ATXN1: variants seen among roughly 807,000 people sequenced by gnomAD.
ATXN1 encodes the protein ataxin 1.
ATXN1 carries 8 observed loss-of-function variants against 56.4 expected under a neutral mutation model. That is an observed-to-expected ratio of 0.14 (90% CI 0.08 to 0.26). ATXN1 has a LOEUF of 0.26. ATXN1 is among the 10% of genes least tolerant of loss of function. ATXN1 has a pLI of 1.00. For synonymous variants in ATXN1, 514 were observed against 494.6 expected (o/e 1.04, Z -0.52); for missense variants, 987 against 1,106.5 (o/e 0.89, Z 1.53).
intron 3 of ATXN1, among the ~76,000 whole-genome samples, chr6:16,594,391 A>C (rs1762777819): frequency 6.6e-6 from 1 of 152,000 alleles, no homozygotes; most frequent in South Asian, 2.1e-4. Flanking sequence ...ACCATTTTTT[A>C]AAACTGATAA....
At chr6:16,307,676 A>AC (rs1760283966) in intron 7 of ATXN1, among the ~76,000 whole-genome samples, 1 of 81,182 alleles carries the variant, frequency 1.2e-5, no homozygotes, top group South Asian at 6.5e-4. Flanking sequence ...ACTCCGTCTC[A>AC]AAAAAAAAAA....
intron 4 of ATXN1, among the ~76,000 whole-genome samples, chr6:16,582,625 G>A (rs1762550175): frequency 6.6e-6 from 1 of 152,198 alleles, no homozygotes; most frequent in African/African-American, 2.4e-5. Context: ...GGGCAACCAT[G>A]TGCAGTATAT....
At chr6:16,515,350 A>C (rs2113688593) in intron 5 of ATXN1, among the ~76,000 whole-genome samples, 1 of 152,136 alleles carries the variant, frequency 6.6e-6, no homozygotes, top group South Asian at 2.1e-4. Context: ...AGTGACTGCC[A>C]ACCCCCAGTT....
Position 16,760,202 on chromosome 6 carries a change from C to G in ATXN1, c.-730+1096G>C, listed in dbSNP as rs556730038. Among the ~76,000 whole-genome samples, 1 of 152,048 alleles carries G rather than the reference C, an allele frequency of 6.6e-6. No homozygotes were observed. The highest frequency in any genetic ancestry group is 2.1e-4 in the South Asian group (1 of 4,830). Reference sequence around the variant, plus strand: ...CCCAGAGTGAACGAGCAGTGGGGCTCCAGGGCGCATCCCAATCCCCGCAGC... The same window carrying G: ...CCCAGAGTGAACGAGCAGTGGGGCTGCAGGGCGCATCCCAATCCCCGCAGC... On this transcript the variant is annotated intron_variant, in intron 1 of 7. Transcript: ENST00000436367. This position sits in a 1 kb window ranked among gnomAD's most constrained non-coding sequence, Gnocchi z 5.3.
At chr6:16,637,284 G>A (rs1763616133) in intron 3 of ATXN1, among the ~76,000 whole-genome samples, 1 of 149,554 alleles carries the variant, frequency 6.7e-6, no homozygotes, top group Admixed American at 6.7e-5. Flanking sequence ...CTCATAGGTG[G>A]GAATTGAACA....
At chr6:16,514,475 C>T (rs1761141324) in intron 5 of ATXN1, among the ~76,000 whole-genome samples, 1 of 152,098 alleles carries the variant, frequency 6.6e-6, no homozygotes, top group East Asian at 1.9e-4. Flanking sequence ...CCACACATTC[C>T]GTTTTACTTT....
intron 2 of ATXN1, chr6:16,737,266 A>G (rs1762541752): frequency 6.6e-6 from 1 of 152,224 alleles, no homozygotes; most frequent in South Asian, 2.1e-4. Context: ...TCTGTGTTGC[A>G]TGGCAAAGGA....
rs145151086 is a variant in ATXN1, at chr6:16,566,712, C to A, written c.-361+19068G>T. 2.3e-3 allele frequency among the ~76,000 whole-genome samples: 351 copies of A among 152,016 alleles called. 17 individuals carry two copies. The East Asian group carries it at 0.057, about 25-fold the overall frequency. On this transcript the variant is annotated intron_variant, in intron 4 of 7. Transcript: ENST00000436367. The stretch of plus-strand genomic sequence containing the variant: ...ACTAAAAATACAAAAAAAAATTAGC[C>A]GGGCATGGTGGTGGGTTCCTGTAAT...
At position 16,662,379 on chromosome 6, in the gene ATXN1, C is replaced by T. The variant is rs1172199845; in HGVS notation, c.-614-4478G>A. 2.0e-5 allele frequency among the ~76,000 whole-genome samples: 3 copies of T among 152,028 alleles called. No individual in the cohort carries two copies. The East Asian group carries it at 5.8e-4, about 29-fold the overall frequency. On this transcript the variant is annotated intron_variant, in intron 2 of 7. Transcript: ENST00000436367. ...TAGAGTTTTGCTCTTGTTGCCCAGG[C>T]TGGAGTACAATGGTGTGGTCTCAGC...
intron 3 of ATXN1, among the ~76,000 whole-genome samples, chr6:16,620,008 G>A (rs2299075): frequency 0.025 from 3,728 of 152,058 alleles, 95 homozygotes; most frequent in East Asian, 0.1. Context: ...ACACTATGCT[G>A]TTGGGCTGCT....
chr6:16,608,174 C>T (rs1295705122), intron 3 of ATXN1, among the ~76,000 whole-genome samples: 4 of 152,196 alleles, frequency 2.6e-5, no homozygotes, highest in East Asian at 1.9e-4. Context: ...GAACCATCTG[C>T]GACTTGGATG....
At chr6:16,362,307 G>C (rs992477827) in intron 6 of ATXN1, among the ~76,000 whole-genome samples, 4 of 152,166 alleles carry the variant, frequency 2.6e-5, no homozygotes, top group Admixed American at 6.5e-5. Flanking sequence ...AACACAAGAA[G>C]CTTAAAACAA....
At chr6:16,436,776 T>C (rs1316116247) in intron 6 of ATXN1, among the ~76,000 whole-genome samples, 1 of 152,142 alleles carries the variant, frequency 6.6e-6, no homozygotes, top group Non-Finnish European at 1.5e-5. Flanking sequence ...GTCCTTACTC[T>C]GAGTGAGCTG....
At chr6:16,692,605 T>C (rs1759072429) in intron 2 of ATXN1, among the ~76,000 whole-genome samples, 1 of 152,016 alleles carries the variant, frequency 6.6e-6, no homozygotes, top group Admixed American at 6.6e-5. Flanking sequence ...ATTTTGGCCA[T>C]TGTAAATATA....
At chr6:16,400,902 A>G (rs1758554091) in intron 6 of ATXN1, among the ~76,000 whole-genome samples, 1 of 152,236 alleles carries the variant, frequency 6.6e-6, no homozygotes, top group Non-Finnish European at 1.5e-5. Flanking sequence ...TCTGAGAACC[A>G]GGGCCAATCC....
rs757472452 is a variant in ATXN1, at chr6:16,327,669, C to CTGATGA, written c.641_642insTCATCA (p.Gln213_Gln214insHisHis). The CTGATGA allele has an allele frequency of 2.0e-6, 3 of 1,505,568 alleles. No individual in the cohort carries two copies. The highest frequency in any genetic ancestry group is 5.5e-5 in the East Asian group (2 of 36,638). 93.3% of individuals were successfully genotyped at this position (1,505,568 alleles called of 1,614,324 possible). ...GCTGCTGCTGCTGCTGCTGCTGCTG[C>CTGATGA]TGCTGCTGATGCTGATGCTGCTGCT... On this transcript the variant is annotated inframe_insertion, in exon 7 of 8. Transcript: ENST00000436367.
chr6:16,309,204 G>C lies in ATXN1; in HGVS notation c.1918-2345C>G, dbSNP rs542639083. The stretch of plus-strand genomic sequence containing the variant: ...GATCACAAGACTGCACTCCAGCCTG[G>C]ACAACAGAGTGAGACTCTGTCTCTA... On this transcript the variant is annotated intron_variant, in intron 7 of 7. Transcript: ENST00000436367. Among the ~76,000 whole-genome samples the C allele has an allele frequency of 2.0e-5, 3 of 148,380 alleles. No homozygotes were observed. In the East Asian group the frequency reaches 5.9e-4, roughly 29 times the overall value.
chr6:16,306,612 C>A lies in ATXN1; in HGVS notation c.2165G>T (p.Arg722Met). 6.2e-7 allele frequency: 1 copy of A among 1,614,260 alleles called. No individual in the cohort carries two copies. The highest frequency in any genetic ancestry group is 8.5e-7 in the Non-Finnish European group (1 of 1,180,054). Residue 722 changes from arginine (R) to methionine (M), a missense_variant, in exon 8 of 8, where the codon AGG becomes ATG. Around this residue, in one of 3 missense-constraint regions of ATXN1, gnomAD observed 196 missense variants for 196.7 expected, o/e 1.00. Coordinates refer to ENST00000436367, the MANE Select transcript of ATXN1 (RefSeq NM_001128164.2). The surrounding 1 kb of genome is among the most constrained non-coding windows in gnomAD (Gnocchi z 5.2). ...GATTCCGTTTTCCTGCTCGGCATAC[C>A]TGTGTCTGCTGCCCGCCAGGCCGTC... ...KADGLAGSRH[R>M]YAEQENGINQ...
chr6:16,587,751 G>A (rs1217970520), intron 3 of ATXN1, among the ~76,000 whole-genome samples: 2 of 151,796 alleles, frequency 1.3e-5, no homozygotes, highest in African/African-American at 4.8e-5. Flanking sequence ...TGGCCAACAT[G>A]GTGAAACCCC....
Sources: gnomAD v4.1 joint callset for allele counts (sites outside exome capture counted in the v4.1 genomes callset) on GRCh38, gnomAD v4.1.1 for gene constraint, gnomAD v4.1.1 regional missense constraint, Gnocchi (gnomAD v3.1) non-coding constraint, MANE v1.5 for transcripts, NCBI Gene and HGNC (gene_info 2026-07-23, HGNC 2026-07-21) for gene names.